BCAS2: variants seen among roughly 807,000 people sequenced by gnomAD.
BCAS2 encodes the protein BCAS2 pre-mRNA processing factor.
In BCAS2, 34 loss-of-function variants were observed where a neutral mutation model predicts 35.3. The observed-to-expected ratio is 0.96, with a 90% confidence interval of 0.73 to 1.28. BCAS2 has a LOEUF of 1.28. Among genes scored for constraint, BCAS2 ranks in the 50% most tolerant of loss-of-function variants. The pLI is 0.00. For synonymous variants in BCAS2, 75 were observed against 91.6 expected (o/e 0.82, Z 1.03); for missense variants, 221 against 268.1 (o/e 0.82, Z 1.23).
chr1:114,572,695 A>G (rs554384535), intron 4 of BCAS2, among the ~76,000 whole-genome samples: 35 of 152,338 alleles, frequency 2.3e-4, no homozygotes, highest in Admixed American at 9.8e-4. Context: ...TGGGTATAAC[A>G]GGTAAAGACA....
At chr1:114,575,059 A>T in intron 4 of BCAS2, among the ~76,000 whole-genome samples, 1 of 148,414 alleles carries the variant, frequency 6.7e-6, no homozygotes. Context: ...TTTAGTAGAG[A>T]TGCGGTTTTA....
In BCAS2 at chr1:114,570,583, G is replaced by A; in HGVS notation, c.470+117C>T. On this transcript the variant is annotated intron_variant, in intron 5 of 6. Coordinates refer to ENST00000369541, the MANE Select transcript of BCAS2 (RefSeq NM_005872.3). ...CAGTGTCAGATGTTGAACAAAGAGAGTGGATCAATTGTTTACTTTCATCTG... is the reference window on the plus strand; with the variant it reads ...CAGTGTCAGATGTTGAACAAAGAGAATGGATCAATTGTTTACTTTCATCTG... 4.1e-6 allele frequency: 3 copies of A among 736,206 alleles called. No individual in the cohort carries two copies. The Admixed American group carries it at 8.4e-5, about 21-fold the overall frequency. The allele number at this position is 736,206 out of a possible 1,614,324, so 45.6% of individuals were successfully genotyped here. A position where few individuals can be genotyped will look rare whatever the true frequency, so the allele number is the denominator to read the frequency against.
At chr1:114,576,431 TTTA>T (rs147601064) in intron 3 of BCAS2, among the ~76,000 whole-genome samples, 35 of 147,040 alleles carry the variant, frequency 2.4e-4, no homozygotes, top group African/African-American at 5.3e-4. Context: ...CCCAGGTACG[TTTA>T]TTATTATTAT....
At chr1:114,575,403 C>G (rs1382678527) in intron 4 of BCAS2, among the ~76,000 whole-genome samples, 187 bp downstream of exon 4, 3 of 151,288 alleles carry the variant, frequency 2.0e-5, no homozygotes, top group Non-Finnish European at 4.4e-5. Flanking sequence ...CCATGTTGGC[C>G]AGGCTGGTCT....
At position 114,568,184 on chromosome 1, in the gene BCAS2, T is replaced by G; in HGVS notation, c.624A>C (p.Gln208His). ...TTGCCTCTCCATGTTGCTGCTTAAT[T>G]TGATAGATTTCATTTTCTAGCTGAA... ...TIVQLENEIYQIKQQHGEANK... is the reference protein window; with the variant it reads ...TIVQLENEIYHIKQQHGEANK... Residue 208 changes from glutamine (Q) to histidine (H), a missense_variant, in exon 7 of 7, where the codon CAA becomes CAC. By Grantham distance (24) the Gln-to-His change is conservative. Transcript: ENST00000369541. 2 of 1,613,910 alleles carry G rather than the reference T, an allele frequency of 1.2e-6. No homozygotes were observed. Among genetic ancestry groups the G allele is most frequent in the Non-Finnish European group, 1.7e-6 (2 of 1,179,996 alleles).
intron 4 of BCAS2, among the ~76,000 whole-genome samples, chr1:114,574,440 T>G (rs1270121179): frequency 6.6e-6 from 1 of 152,240 alleles, no homozygotes; most frequent in Non-Finnish European, 1.5e-5. Context: ...TTCTCTTTTA[T>G]AAAATAAAGA....
At chr1:114,575,788 T>C (rs1438777724) in intron 3 of BCAS2, 37 bp from the exon 4 acceptor site, 8 of 1,602,980 alleles carry the variant, frequency 5.0e-6, no homozygotes, top group Non-Finnish European at 6.8e-6. Context: ...AAACCATCTA[T>C]ACTGCCAAGC....
chr1:114,571,844 A>G (rs1371153670), intron 4 of BCAS2, among the ~76,000 whole-genome samples: 2 of 152,208 alleles, frequency 1.3e-5, no homozygotes, highest in Non-Finnish European at 2.9e-5. Context: ...GTAGAATGAG[A>G]TATCAGTCCA....
At chr1:114,575,119 G>T (rs1338975409) in intron 4 of BCAS2, among the ~76,000 whole-genome samples, 1 of 143,366 alleles carries the variant, frequency 7.0e-6, no homozygotes, top group East Asian at 2.1e-4. Flanking sequence ...TGATCCACCC[G>T]CCTCGGCCTC....
chr1:114,576,009 TTAAA>T (rs1269944993), intron 3 of BCAS2, among the ~76,000 whole-genome samples: 2 of 152,170 alleles, frequency 1.3e-5, no homozygotes, highest in Non-Finnish European at 2.9e-5. Flanking sequence ...ACATTAGCTA[TTAAA>T]TGTTACTGAA....
At chr1:114,575,903 C>T (rs1187481445) in intron 3 of BCAS2, 152 bp from the exon 4 acceptor site, 7 of 783,312 alleles carry the variant, frequency 8.9e-6, no homozygotes, top group African/African-American at 3.6e-5. Flanking sequence ...CCGATATATG[C>T]TAACAATCAA....
chr1:114,570,637 C>T lies in BCAS2; in HGVS notation c.470+63G>A, dbSNP rs191689978. ...GCAGTCTCTTTGCTTTCTTTTTCCT[C>T]CTATTTTCTATTTATTAAAGGTTCA... On this transcript the variant is annotated intron_variant, in intron 5 of 6. Coordinates refer to ENST00000369541, the MANE Select transcript of BCAS2 (RefSeq NM_005872.3). The T allele has an allele frequency of 4.9e-4, 549 of 1,130,836 alleles. 1 individual carries two copies. The Middle Eastern group carries it at 0.011, about 22-fold the overall frequency. The allele number at this position is 1,130,836 out of a possible 1,614,324, so 70.1% of individuals were successfully genotyped here.
chr1:114,570,483 GA>G (rs1297022041), intron 5 of BCAS2, among the ~76,000 whole-genome samples: 1 of 152,186 alleles, frequency 6.6e-6, no homozygotes, highest in Non-Finnish European at 1.5e-5. Flanking sequence ...TATGTTTGCA[GA>G]CTTGCAAGCT....
intron 4 of BCAS2, among the ~76,000 whole-genome samples, chr1:114,572,479 T>C (rs965235436): frequency 2.0e-5 from 3 of 152,220 alleles, no homozygotes; most frequent in Non-Finnish European, 4.4e-5. Flanking sequence ...TCTGGAGAAG[T>C]GTCCACTGAA....
chr1:114,576,714 T>C lies in BCAS2; in HGVS notation c.231A>G (p.Gln77=), dbSNP rs1048922410. ...GTTTCATACTGAGCAATTCAATTGG[T>C]TGTCGAGCAGCCAGTCTTTCAAATT... is the stretch of plus-strand genomic sequence containing the variant. The part of the protein sequence containing the change: ...RNEFERLAAR[Q]PIELLSMKRY... The change falls in exon 3 of 7, where the codon CAA becomes CAG. Residue 77 remains glutamine (Q), a synonymous_variant. Transcript: ENST00000369541. 2 of 1,611,534 alleles carry C rather than the reference T, an allele frequency of 1.2e-6. No individual in the cohort carries two copies. The highest frequency in any genetic ancestry group is 1.3e-5 in the African/African-American group (1 of 74,854).
intron 5 of BCAS2, 118 bp downstream of exon 5, chr1:114,570,582 A>G: frequency 1.4e-6 from 1 of 728,436 alleles, no homozygotes; most frequent in Non-Finnish European, 2.3e-6. Context: ...GAACAAAGAG[A>G]GTGGATCAAT....
At chr1:114,576,783 T>C (rs376283933) in intron 2 of BCAS2, 25 bp from the exon 3 acceptor site, 72 of 1,566,296 alleles carry the variant, frequency 4.6e-5, no homozygotes, top group Non-Finnish European at 5.7e-5. Context: ...AGAAAAAAGA[T>C]TTCTAAGATC....
Position 114,570,728 on chromosome 1 carries a change from G to A in BCAS2, c.442C>T (p.His148Tyr). 1.3e-6 allele frequency: 2 copies of A among 1,591,814 alleles called. No individual in the cohort carries two copies. The highest frequency in any genetic ancestry group is 1.1e-5 in the South Asian group (1 of 89,078). ...YNENLVHMIE[H>Y]AQKELQKLRK... ...AACTTCTGAAGTTCCTTCTGTGCGT[G>A]TTCAATCATATGAACTAGATTTCTG... Residue 148 changes from histidine (H) to tyrosine (Y), a missense_variant, in exon 5 of 7, where the codon CAC (histidine) becomes TAC (tyrosine). Transcript: ENST00000369541.
intron 2 of BCAS2, among the ~76,000 whole-genome samples, chr1:114,578,560 C>A (rs759890305): frequency 6.6e-6 from 1 of 152,222 alleles, no homozygotes; most frequent in African/African-American, 2.4e-5. Context: ...GCGGCAAGGG[C>A]AATCCCTGCT....
Sources: gnomAD v4.1 joint callset for allele counts (sites outside exome capture counted in the v4.1 genomes callset) on GRCh38, gnomAD v4.1.1 for gene constraint, MANE v1.5 for transcripts, NCBI Gene and HGNC (gene_info 2026-07-23, HGNC 2026-07-21) for gene names.